SPEF2: variants seen among roughly 807,000 people sequenced by gnomAD.
SPEF2 encodes sperm flagella and cilia-associated protein 2.
A neutral mutation model predicts 224.6 loss-of-function variants in SPEF2; 187 were observed. The observed-to-expected ratio is 0.83, with a 90% CI of 0.74 to 0.94. SPEF2 has a LOEUF of 0.94. SPEF2 is among the 40% of genes least tolerant of loss of function. The pLI is 0.00. For missense variants in SPEF2, 2,170 were observed against 2,135.6 expected, an observed-to-expected ratio of 1.02 and a Z score of -0.32; for synonymous variants, 715 against 707.3, an observed-to-expected ratio of 1.01 and a Z score of -0.17.
intron 26 of SPEF2, among the ~76,000 whole-genome samples, chr5:35,767,259 C>T (rs1281264498): frequency 6.6e-6 from 1 of 151,720 alleles, no homozygotes; most frequent in African/African-American, 2.4e-5. Context: ...GTGGAATGAA[C>T]CTTTTCTTAT....
chr5:35,644,718 TC>T (rs1747107352), intron 4 of SPEF2, among the ~76,000 whole-genome samples, 193 bp downstream of exon 4: 1 of 25,918 alleles, frequency 3.9e-5, no homozygotes, highest in South Asian at 1.9e-3. Context: ...TCTTGCTGAC[TC>T]TCACCTCTAC....
Position 35,705,639 on chromosome 5 carries a change from T to C in SPEF2, c.2508-12T>C, listed in dbSNP as rs779745971. 1.3e-6 allele frequency: 2 copies of C among 1,567,296 alleles called. No homozygotes were observed. The highest frequency in any genetic ancestry group is 1.7e-6 in the Non-Finnish European group (2 of 1,164,696). Reference sequence around the variant, plus strand: ...CAGTATGAGATATTCATATCATATTTTGATTTTGCAGAATTATAGGCTTCT... The same window carrying C: ...CAGTATGAGATATTCATATCATATTCTGATTTTGCAGAATTATAGGCTTCT... On this transcript the variant is annotated splice_polypyrimidine_tract_variant and intron_variant, in intron 17 of 36. Coordinates refer to ENST00000356031, the MANE Select transcript of SPEF2 (RefSeq NM_024867.4).
chr5:35,751,010 T>TACGTATATATAC (rs1425967224), intron 23 of SPEF2, among the ~76,000 whole-genome samples: 2 of 119,078 alleles, frequency 1.7e-5, no homozygotes, highest in African/African-American at 6.6e-5. Flanking sequence ...TATATATATA[T>TACGTATATATAC]ACGTATATAT....
chr5:35,760,377 A>G (rs1751090474), intron 25 of SPEF2, among the ~76,000 whole-genome samples: 1 of 151,370 alleles, frequency 6.6e-6, no homozygotes, highest in Admixed American at 6.6e-5. Flanking sequence ...AAAAAAAAAA[A>G]TTATGAACCT....
chr5:35,813,271 T>C lies in SPEF2; in HGVS notation c.5380-1193T>C, dbSNP rs1427878174. On this transcript the variant is annotated intron_variant, in intron 36 of 36. Coordinates refer to ENST00000356031, the MANE Select transcript of SPEF2 (RefSeq NM_024867.4). Reference sequence around the variant, plus strand: ...ACTTTGGGAGGCTGAGGTGGGAGGATTGCTTGAGGCCAGGTGTTTGAGAGA... The same window carrying C: ...ACTTTGGGAGGCTGAGGTGGGAGGACTGCTTGAGGCCAGGTGTTTGAGAGA... 2.6e-5 allele frequency among the ~76,000 whole-genome samples: 4 copies of C among 152,158 alleles called. No individual in the cohort carries two copies. The East Asian group carries it at 7.7e-4, about 29-fold the overall frequency.
At chr5:35,623,176 C>T (rs1743764284) in intron 1 of SPEF2, among the ~76,000 whole-genome samples, 2 of 152,148 alleles carry the variant, frequency 1.3e-5, no homozygotes, top group African/African-American at 4.8e-5. Context: ...GGAAGTGGTG[C>T]CTTGCTGTGA....
intron 11 of SPEF2, 120 bp from the exon 12 acceptor site, chr5:35,692,450 C>T (rs1272403817): frequency 1.4e-6 from 1 of 720,070 alleles, no homozygotes; most frequent in Non-Finnish European, 2.3e-6. Flanking sequence ...GAAACTTGAT[C>T]CAAAAGACTG....
intron 2 of SPEF2, among the ~76,000 whole-genome samples, chr5:35,636,846 G>T (rs1042494496): frequency 6.6e-6 from 1 of 151,688 alleles, no homozygotes; most frequent in African/African-American, 2.4e-5. Flanking sequence ...TATGGTGGTG[G>T]GCACCTGTAT....
chr5:35,674,282 T>G (rs1751569435), intron 10 of SPEF2, among the ~76,000 whole-genome samples: 1 of 150,840 alleles, frequency 6.6e-6, no homozygotes, highest in South Asian at 2.1e-4. Context: ...ACTGCCTTCC[T>G]GCTGTGTTCT....
intron 34 of SPEF2, among the ~76,000 whole-genome samples, chr5:35,801,010 G>A (rs1757346544): frequency 6.6e-6 from 1 of 152,194 alleles, no homozygotes; most frequent in Admixed American, 6.5e-5. Flanking sequence ...CCACCCTAAA[G>A]TTTGGCCCTG....
At chr5:35,776,174 C>A in intron 28 of SPEF2, 83 bp from the exon 29 acceptor site, 11 of 1,358,360 alleles carry the variant, frequency 8.1e-6, no homozygotes, top group Non-Finnish European at 8.0e-6. Flanking sequence ...ATTGAAGCAC[C>A]AGTGGTTTCA....
chr5:35,661,275 T>G (rs1378597781), intron 8 of SPEF2, among the ~76,000 whole-genome samples: 5 of 46,478 alleles, frequency 1.1e-4, no homozygotes, highest in African/African-American at 4.6e-4. Flanking sequence ...TATATATATA[T>G]ATATATATAT....
chr5:35,695,564 A>C (rs944791164), intron 13 of SPEF2, among the ~76,000 whole-genome samples, 171 bp from the exon 14 acceptor site: 1 of 152,090 alleles, frequency 6.6e-6, no homozygotes, highest in Non-Finnish European at 1.5e-5. Flanking sequence ...TAATGGTGTG[A>C]GTGAAGGTAA....
chr5:35,646,955 C>T, intron 5 of SPEF2, 148 bp downstream of exon 5: 1 of 839,574 alleles, frequency 1.2e-6, no homozygotes, highest in Non-Finnish European at 1.8e-6. Flanking sequence ...AATTCTTCCA[C>T]TATATGCATA....
intron 31 of SPEF2, among the ~76,000 whole-genome samples, chr5:35,792,738 G>A (rs1308406852): frequency 6.6e-6 from 1 of 152,220 alleles, no homozygotes; most frequent in African/African-American, 2.4e-5. Context: ...ACTAGTAATA[G>A]TAGATAATTC....
chr5:35,669,997 A>AC (rs1751007430), intron 9 of SPEF2, 62 bp from the exon 10 acceptor site: 3 of 1,275,544 alleles, frequency 2.4e-6, no homozygotes, highest in Non-Finnish European at 3.3e-6. Context: ...TAAAAATACC[A>AC]ATGTTTAAAA....
intron 20 of SPEF2, among the ~76,000 whole-genome samples, chr5:35,725,701 CTG>C (rs1484715147): frequency 6.6e-6 from 1 of 152,268 alleles, no homozygotes; most frequent in Admixed American, 6.5e-5. Flanking sequence ...AAATCTACTG[CTG>C]TGTCACTTTG....
chr5:35,626,614 G>A (rs1417627566), intron 1 of SPEF2, among the ~76,000 whole-genome samples: 1 of 152,040 alleles, frequency 6.6e-6, no homozygotes, highest in Non-Finnish European at 1.5e-5. Context: ...TAAAAATTAT[G>A]TAACCATAAT....
In SPEF2 at chr5:35,618,007, A is replaced by C; in HGVS notation, c.10A>C (p.Ile4Leu). The C allele has an allele frequency of 6.3e-7, 1 of 1,583,712 alleles. No individual in the cohort carries two copies. Among genetic ancestry groups the C allele is most frequent in the East Asian group, 2.3e-5 (1 of 43,458 alleles). The change falls in exon 1 of 37, where the codon ATC becomes CTC. Residue 4 changes from isoleucine (I) to leucine (L), a missense_variant. Transcript: ENST00000356031. MSEILCQWLNKELK... is the reference protein window; with the variant it reads MSELLCQWLNKELK... Reference sequence around the variant, plus strand: ...AGGCACCGGCTGAACCATGTCGGAGATCCTGTGCCAGTGGCTCAACAAGGA... The same window carrying C: ...AGGCACCGGCTGAACCATGTCGGAGCTCCTGTGCCAGTGGCTCAACAAGGA...
Sources: gnomAD v4.1 joint callset for allele counts (sites outside exome capture counted in the v4.1 genomes callset) on GRCh38, gnomAD v4.1.1 for gene constraint, MANE v1.5 for transcripts, NCBI Gene and HGNC (gene_info 2026-07-23, HGNC 2026-07-21) for gene names.